The following PLEKHA7 variants were observed in gnomAD, a reference collection of about 807,000 sequenced individuals.
PLEKHA7 encodes the protein pleckstrin homology domain containing A7.
Under a neutral mutation model 170.0 loss-of-function variants are expected in PLEKHA7, and 104 were observed. The ratio of observed to expected loss-of-function variants is 0.61; its 90% CI spans 0.52 to 0.72. The LOEUF (loss-of-function observed/expected upper bound fraction) is 0.72, where lower values mean the gene tolerates loss of function less well. PLEKHA7 is among the 30% of genes least tolerant of loss of function. The pLI is 0.00. For synonymous variants in PLEKHA7, 648 were observed against 660.8 expected (o/e 0.98, Z 0.30); for missense variants, 1,615 against 1,671.7 (o/e 0.97, Z 0.59).
At chr11:16,999,293 C>T (rs551642457) in intron 3 of PLEKHA7, among the ~76,000 whole-genome samples, 53 of 151,970 alleles carry the variant, frequency 3.5e-4, no homozygotes, top group Non-Finnish European at 6.0e-4. Context: ...CCTTCTCTGG[C>T]TATTAATGTC....
intron 3 of PLEKHA7, among the ~76,000 whole-genome samples, chr11:16,948,445 C>A (rs1299673735): frequency 6.6e-6 from 1 of 152,150 alleles, no homozygotes; most frequent in Non-Finnish European, 1.5e-5. Flanking sequence ...CACACACACA[C>A]CCCTGACTGT....
At chr11:16,963,506 G>A (rs1262652026) in intron 3 of PLEKHA7, among the ~76,000 whole-genome samples, 1 of 152,088 alleles carries the variant, frequency 6.6e-6, no homozygotes, top group African/African-American at 2.4e-5. Flanking sequence ...CCTGACAATG[G>A]AGCACCAGGG....
chr11:16,850,651 C>A (rs897266088), intron 8 of PLEKHA7, among the ~76,000 whole-genome samples: 2 of 152,142 alleles, frequency 1.3e-5, no homozygotes, highest in Admixed American at 1.3e-4. Flanking sequence ...CAGACACAGA[C>A]CAAGTAGGAA....
intron 3 of PLEKHA7, among the ~76,000 whole-genome samples, chr11:16,936,225 C>G (rs1860280811): frequency 1.3e-5 from 2 of 151,668 alleles, no homozygotes; most frequent in Admixed American, 6.6e-5. Flanking sequence ...CATAGTGAAA[C>G]CCTGTCTCTA....
chr11:16,927,304 TATTTTCCAAATCAAAA>T (rs1859629815), intron 3 of PLEKHA7, among the ~76,000 whole-genome samples: 1 of 152,264 alleles, frequency 6.6e-6, no homozygotes, highest in Non-Finnish European at 1.5e-5. Flanking sequence ...GTGACCAAAT[TATTTTCCAAATCAAAA>T]ATTATAATAG....
chr11:16,962,430 C>T (rs7931794), intron 3 of PLEKHA7, among the ~76,000 whole-genome samples: 73,075 of 151,900 alleles, frequency 0.48, 18,416 homozygotes, highest in East Asian at 0.74. Context: ...CTTAAGTCTT[C>T]GCTCCCTGAG....
intron 14 of PLEKHA7, 61 bp from the exon 15 acceptor site, chr11:16,803,113 T>C (rs1320880038): frequency 6.4e-7 from 1 of 1,566,610 alleles, no homozygotes; most frequent in Admixed American, 1.7e-5. Flanking sequence ...GACCTTGGGA[T>C]TGCAATCAGA....
At chr11:16,970,547 G>A (rs897011576) in intron 3 of PLEKHA7, among the ~76,000 whole-genome samples, 1 of 152,060 alleles carries the variant, frequency 6.6e-6, no homozygotes, top group African/African-American at 2.4e-5. Context: ...TGTGCCTGTA[G>A]TCCCAGATAC....
intron 26 of PLEKHA7, among the ~76,000 whole-genome samples, chr11:16,779,719 G>A (rs1003622451): frequency 5.3e-5 from 8 of 152,128 alleles, no homozygotes; most frequent in Middle Eastern, 3.2e-3. Flanking sequence ...TGTGAGGCAC[G>A]GGGAGCACCC....
intron 11 of PLEKHA7, among the ~76,000 whole-genome samples, 173 bp from the exon 12 acceptor site, chr11:16,816,437 G>C (rs1269135085): frequency 6.6e-6 from 1 of 152,184 alleles, no homozygotes; most frequent in Non-Finnish European, 1.5e-5. Context: ...CTCTTGGAAA[G>C]TGAAAACTTA....
chr11:17,013,111 G>C (rs1865415112), intron 3 of PLEKHA7: 1 of 152,414 alleles, frequency 6.6e-6, no homozygotes, highest in Non-Finnish European at 1.5e-5. Flanking sequence ...ACTGGGGCAA[G>C]GGGTCAAAGG....
At chr11:16,958,280 G>T (rs1306943785) in intron 3 of PLEKHA7, among the ~76,000 whole-genome samples, 1 of 151,984 alleles carries the variant, frequency 6.6e-6, no homozygotes, top group Non-Finnish European at 1.5e-5. Context: ...TCACACCACT[G>T]CATTCCAGCC....
At chr11:17,005,105 C>T (rs1864903879) in intron 3 of PLEKHA7, among the ~76,000 whole-genome samples, 1 of 115,542 alleles carries the variant, frequency 8.7e-6, no homozygotes, top group African/African-American at 3.0e-5. Flanking sequence ...AGCCCTCTGT[C>T]ACCTCAGACT....
chr11:16,886,828 T>G, intron 3 of PLEKHA7, among the ~76,000 whole-genome samples: 1 of 151,316 alleles, frequency 6.6e-6, no homozygotes, highest in East Asian at 1.9e-4. Context: ...ATTTAACAAA[T>G]ATTTGAGAGC....
intron 3 of PLEKHA7, among the ~76,000 whole-genome samples, chr11:17,009,628 T>C (rs2137121474): frequency 1.3e-5 from 2 of 151,478 alleles, no homozygotes; most frequent in South Asian, 4.2e-4. Context: ...GTCTTCGTTT[T>C]ATTTATTTAT....
chr11:16,864,057 A>G (rs1395083637), intron 4 of PLEKHA7, among the ~76,000 whole-genome samples: 1 of 152,220 alleles, frequency 6.6e-6, no homozygotes, highest in African/African-American at 2.4e-5. Context: ...CTACTCACTC[A>G]GCGCACTGAG....
intron 3 of PLEKHA7, among the ~76,000 whole-genome samples, chr11:16,968,265 C>T (rs372780735): frequency 6.6e-6 from 1 of 152,212 alleles, no homozygotes; most frequent in African/African-American, 2.4e-5. Flanking sequence ...CAAACAACCA[C>T]AAGGGAAACT....
chr11:16,938,608 G>C (rs1350970205), intron 3 of PLEKHA7, among the ~76,000 whole-genome samples: 1 of 151,628 alleles, frequency 6.6e-6, no homozygotes, highest in Non-Finnish European at 1.5e-5. Flanking sequence ...TCCTTAATCA[G>C]ACCATACATC....
At chr11:16,993,405 C>A (rs1318962738) in intron 3 of PLEKHA7, among the ~76,000 whole-genome samples, 1 of 152,142 alleles carries the variant, frequency 6.6e-6, no homozygotes, top group South Asian at 2.1e-4. Flanking sequence ...TGTCCTCTGG[C>A]TCTACTCAAC....
Sources: gnomAD v4.1 joint callset for allele counts (sites outside exome capture counted in the v4.1 genomes callset) on GRCh38, gnomAD v4.1.1 for gene constraint, MANE v1.5 for transcripts, NCBI Gene and HGNC (gene_info 2026-07-23, HGNC 2026-07-21) for gene names.